Variants in C19orf73 observed in about 807,000 individuals in gnomAD.
C19orf73 encodes the protein putative uncharacterized protein C19orf73.
For missense variants in C19orf73, 211 were observed against 177.6 expected, an observed-to-expected ratio of 1.19 and a Z score of -1.07; for synonymous variants, 86 against 79.1, an observed-to-expected ratio of 1.09 and a Z score of -0.46.
chr19:49,119,063 G>T lies in C19orf73; in HGVS notation c.-41C>A. The T allele has an allele frequency of 6.2e-7, 1 of 1,610,744 alleles. No individual in the cohort carries two copies. Reference sequence around the variant, plus strand: ...GCCCTCGTGTCCCGTGCGGCGCGAGGGCTAGTGCGCGCCACTGCCGGGAGC... The same window carrying T: ...GCCCTCGTGTCCCGTGCGGCGCGAGTGCTAGTGCGCGCCACTGCCGGGAGC... On this transcript the variant is annotated 5_prime_UTR_variant, in exon 1 of 1. Transcript: ENST00000408991.
In C19orf73 at chr19:49,119,041, C is replaced by A; in HGVS notation, c.-19G>T. Reference sequence around the variant, plus strand: ...GCCTCATCCCGCTGCCCGCCCAGCCCTCGTGTCCCGTGCGGCGCGAGGGCT... The same window carrying A: ...GCCTCATCCCGCTGCCCGCCCAGCCATCGTGTCCCGTGCGGCGCGAGGGCT... On this transcript the variant is annotated 5_prime_UTR_variant, in exon 1 of 1. The change creates a new upstream start codon in the 5' untranslated region. Transcript: ENST00000408991. 6.2e-7 allele frequency: 1 copy of A among 1,613,080 alleles called. No individual in the cohort carries two copies. The highest frequency in any genetic ancestry group is 8.5e-7 in the Non-Finnish European group (1 of 1,179,634).
chr19:49,118,810 G>A lies in C19orf73; in HGVS notation c.213C>T (p.Arg71=). 6.2e-7 allele frequency: 1 copy of A among 1,614,184 alleles called. No homozygotes were observed. The highest frequency in any genetic ancestry group is 8.5e-7 in the Non-Finnish European group (1 of 1,180,016). Reference sequence around the variant, plus strand: ...GCGGCCTCTGTGTGGGCGGGGCGGAGCGAACCATTAGCCTCGTCCGCCGGG... The same window carrying A: ...GCGGCCTCTGTGTGGGCGGGGCGGAACGAACCATTAGCCTCGTCCGCCGGG... ...GFPRRTRLMV[R]SAPPTQRPPT... Residue 71 remains arginine, a synonymous_variant, in exon 1 of 1, where the codon CGC becomes CGT. Transcript: ENST00000408991.
chr19:49,118,965 AAC>A, the C19orf73 span: 1 of 1,613,610 alleles, frequency 6.2e-7, no homozygotes, highest in Admixed American at 1.7e-5. Context: ...CCACCTTCCA[AAC>A]ACAGCGCGTC....
the C19orf73 span, chr19:49,118,863 G>A: frequency 6.2e-7 from 1 of 1,613,130 alleles, no homozygotes. Context: ...ACTACTGTCT[G>A]CGTGGGAGTC....
rs1300745244 is a variant in C19orf73 at position 49,118,664 on chromosome 19, C to G, written c.359G>C (p.Gly120Ala). ...CGAGGGCGGAGGGCGGAGGCAGGGA[C>G]CCAGTCTGGGTCTGAGTGCTGGGGC... ...SSAPALRPRL[G>A]PCLRPPPSD Residue 120 changes from glycine to alanine, a missense_variant, in exon 1 of 1, where the codon GGT (glycine) becomes GCT (alanine). Transcript: ENST00000408991. 6.2e-7 allele frequency: 1 copy of G among 1,612,576 alleles called. No homozygotes were observed. Among genetic ancestry groups the G allele is most frequent in the Non-Finnish European group, 8.5e-7 (1 of 1,178,912 alleles).
chr19:49,118,758 G>GTCCCT, the C19orf73 span: 5 of 1,614,204 alleles, frequency 3.1e-6, no homozygotes, highest in Non-Finnish European at 4.2e-6. Context: ...TTCCTCCAGA[G>GTCCCT]TCCTGAAACG....
In C19orf73 at chr19:49,118,933, C is replaced by T. The variant is rs2040885528; in HGVS notation, c.90G>A (p.Arg30=). ...GGCGCAGGGGTGCAGAATGAGGTGC[C>T]CTCGCCCACCGGGCGCTCACTCCAC... ...LEGGVSARWA[R]APHSAPLRPP... The change falls in exon 1 of 1, where the codon AGG becomes AGA. Residue 30 remains arginine, a synonymous_variant. Transcript: ENST00000408991. 1.2e-6 allele frequency: 2 copies of T among 1,613,476 alleles called. No individual in the cohort carries two copies. Among genetic ancestry groups the T allele is most frequent in the African/African-American group, 1.3e-5 (1 of 74,928 alleles).
In C19orf73 at chr19:49,119,122, A is replaced by G; in HGVS notation, c.-100T>C. The G allele has an allele frequency of 6.5e-7, 1 of 1,538,790 alleles. No individual in the cohort carries two copies. The highest frequency in any genetic ancestry group is 8.8e-7 in the Non-Finnish European group (1 of 1,132,394). On this transcript the variant is annotated 5_prime_UTR_variant, in exon 1 of 1. Coordinates refer to ENST00000408991, the MANE Select transcript of C19orf73 (RefSeq NM_018111.3). ...CGACTCGCGTTCCACGCCGCGCGCT[A>G]CTCGCTCCAGGTGACATCATCCCCC...
At position 49,118,886 on chromosome 19, in the gene C19orf73, G is replaced by T. The variant is rs1374229209; in HGVS notation, c.137C>A (p.Ala46Glu). Residue 46 changes from alanine (A) to glutamate (E), a missense_variant, in exon 1 of 1, where the codon GCA becomes GAA. Coordinates refer to ENST00000408991, the MANE Select transcript of C19orf73 (RefSeq NM_018111.3). ...CTGCGTGGGAGTCGCGGGTGGGGGT[G>T]CCGCGTGCAGTTCCCGAGGCGGGCG... ...PLRPPRELHA[A>E]PPPATPTQTV... 6.2e-7 allele frequency: 1 copy of T among 1,612,890 alleles called. No individual in the cohort carries two copies. Among genetic ancestry groups the T allele is most frequent in the African/African-American group, 1.3e-5 (1 of 74,934 alleles).
In C19orf73 at chr19:49,118,463, G is replaced by C. The variant is rs373637834; in HGVS notation, c.*170C>G. On this transcript the variant is annotated 3_prime_UTR_variant, in exon 1 of 1. Transcript: ENST00000408991. ...TATTTAAAGATATTTGACCCTCACT[G>C]AGTGTCTGTGTGTCTGTCCTGCATC... 97 of 1,574,134 alleles carry C rather than the reference G, an allele frequency of 6.2e-5. No individual in the cohort carries two copies. In the African/African-American group the frequency reaches 1.1e-3, roughly 18 times the overall value.
rs745518738 is a variant in C19orf73 at position 49,118,402 on chromosome 19, T to A, written c.*231A>T. 10 of 1,611,932 alleles carry A rather than the reference T, an allele frequency of 6.2e-6. No homozygotes were observed. In the Admixed American group the frequency reaches 1.3e-4, roughly 21 times the overall value. ...CACAGATCTGGACGTTCACGTGCAC[T>A]CTCTTCCTGTACAGTATTTATTGTT... On this transcript the variant is annotated 3_prime_UTR_variant, in exon 1 of 1. Transcript: ENST00000408991.
In C19orf73 at chr19:49,118,947, C is replaced by T; in HGVS notation, c.76G>A (p.Ala26Thr). ...DALCLEGGVSARWARAPHSAP... is the reference protein window; with the variant it reads ...DALCLEGGVSTRWARAPHSAP... ...GAATGAGGTGCCCTCGCCCACCGGG[C>T]GCTCACTCCACCTTCCAAACACAGC... Residue 26 changes from alanine (A) to threonine (T), a missense_variant, in exon 1 of 1, where the codon GCC (alanine) becomes ACC (threonine). Ala to Thr is a moderately conservative substitution (Grantham distance 58, BLOSUM62 0). Coordinates refer to ENST00000408991, the MANE Select transcript of C19orf73 (RefSeq NM_018111.3). The T allele has an allele frequency of 1.2e-6, 2 of 1,613,632 alleles. No homozygotes were observed. Among genetic ancestry groups the T allele is most frequent in the Non-Finnish European group, 1.7e-6 (2 of 1,179,806 alleles).
Position 49,118,914 on chromosome 19 carries a change from G to A in C19orf73, c.109C>T (p.Leu37=). The A allele has an allele frequency of 6.2e-7, 1 of 1,613,506 alleles. No homozygotes were observed. The highest frequency in any genetic ancestry group is 8.5e-7 in the Non-Finnish European group (1 of 1,179,696). Reference sequence around the variant, plus strand: ...GCGTGCAGTTCCCGAGGCGGGCGCAGGGGTGCAGAATGAGGTGCCCTCGCC... The same window carrying A: ...GCGTGCAGTTCCCGAGGCGGGCGCAAGGGTGCAGAATGAGGTGCCCTCGCC... ...RWARAPHSAP[L]RPPRELHAAP... Residue 37 remains leucine, a synonymous_variant, in exon 1 of 1, where the codon CTG becomes TTG. Transcript: ENST00000408991.
At chr19:49,118,919 GC>G in the C19orf73 span, 1 of 1,613,524 alleles carries the variant, frequency 6.2e-7, no homozygotes, top group African/African-American at 1.3e-5. Flanking sequence ...GCGCAGGGGT[GC>G]AGAATGAGGT....
the C19orf73 span, chr19:49,118,879 TG>T: frequency 1.2e-6 from 2 of 1,612,596 alleles, no homozygotes; most frequent in African/African-American, 2.7e-5. Flanking sequence ...GAGTCGCGGG[TG>T]GGGGTGCCGC....
chr19:49,118,959 C>T lies in C19orf73; in HGVS notation c.64G>A (p.Gly22Ser), dbSNP rs779105380. 8 of 1,613,582 alleles carry T rather than the reference C, an allele frequency of 5.0e-6. No individual in the cohort carries two copies. Among genetic ancestry groups the T allele is most frequent in the East Asian group, 2.2e-5 (1 of 44,878 alleles). The change falls in exon 1 of 1, where the codon GGT (glycine) becomes AGT (serine). Residue 22 changes from glycine (G) to serine (S), a missense_variant. Transcript: ENST00000408991. ...CFRKDALCLE[G>S]GVSARWARAP... ...CTCGCCCACCGGGCGCTCACTCCAC[C>T]TTCCAAACACAGCGCGTCTTTCCGG...
rs200883485 is a variant in C19orf73, at chr19:49,118,773, C to T, written c.250G>A (p.Gly84Ser). 1 of 1,614,246 alleles carries T rather than the reference C, an allele frequency of 6.2e-7. No homozygotes were observed. The highest frequency in any genetic ancestry group is 1.3e-5 in the African/African-American group (1 of 75,078). ...TTCCTCCAGAGTCCTGAAACGCAGC[C>T]GGAGCCAGTGGGCGGCCTCTGTGTG... ...PPTQRPPTGSGCVSGLWRKGL... is the reference protein window; with the variant it reads ...PPTQRPPTGSSCVSGLWRKGL... The change falls in exon 1 of 1, where the codon GGC becomes AGC. Residue 84 changes from glycine (G) to serine (S), a missense_variant. Physicochemically the swap from Gly to Ser is moderately conservative, Grantham distance 56. Coordinates refer to ENST00000408991, the MANE Select transcript of C19orf73 (RefSeq NM_018111.3).
chr19:49,118,784 G>A lies in C19orf73; in HGVS notation c.239C>T (p.Pro80Leu). ...TCCTGAAACGCAGCCGGAGCCAGTGGGCGGCCTCTGTGTGGGCGGGGCGGA... is the reference window on the plus strand; with the variant it reads ...TCCTGAAACGCAGCCGGAGCCAGTGAGCGGCCTCTGTGTGGGCGGGGCGGA... ...VRSAPPTQRP[P>L]TGSGCVSGLW... The change falls in exon 1 of 1, where the codon CCC becomes CTC. Residue 80 changes from proline (P) to leucine (L), a missense_variant. Physicochemically the swap from Pro to Leu is moderately conservative, Grantham distance 98. Transcript: ENST00000408991. 1 of 1,614,204 alleles carries A rather than the reference G, an allele frequency of 6.2e-7. No individual in the cohort carries two copies. Among genetic ancestry groups the A allele is most frequent in the South Asian group, 1.1e-5 (1 of 91,090 alleles).
chr19:49,118,504 T>C lies in C19orf73; in HGVS notation c.*129A>G. 2 of 1,557,720 alleles carry C rather than the reference T, an allele frequency of 1.3e-6. No individual in the cohort carries two copies. The highest frequency in any genetic ancestry group is 1.8e-6 in the Non-Finnish European group (2 of 1,132,582). On this transcript the variant is annotated 3_prime_UTR_variant, in exon 1 of 1. Coordinates refer to ENST00000408991, the MANE Select transcript of C19orf73 (RefSeq NM_018111.3). ...GTCCTGCATCCCTGGGTTGGTGTCTTGAGATGTGGAGGGAATGCGAGGAGC... is the reference window on the plus strand; with the variant it reads ...GTCCTGCATCCCTGGGTTGGTGTCTCGAGATGTGGAGGGAATGCGAGGAGC...
Sources: gnomAD v4.1 joint callset for allele counts on GRCh38, gnomAD v4.1.1 for gene constraint, MANE v1.5 for transcripts, NCBI Gene and HGNC (gene_info 2026-07-23, HGNC 2026-07-21) for gene names.